Variants in ASMT observed in about 807,000 individuals in gnomAD.
ASMT encodes the protein acetylserotonin O-methyltransferase.
ASMT carries 53 observed loss-of-function variants against 41.3 expected under a neutral mutation model. That is an observed-to-expected ratio of 1.28 (90% CI 1.03 to 1.61). The LOEUF (loss-of-function observed/expected upper bound fraction) is 1.61. ASMT is among the 40% of genes most tolerant of loss of function. The pLI is 0.00. For synonymous variants in ASMT, 231 were observed against 184.8 expected (o/e 1.25, Z -2.03); for missense variants, 531 against 441.3 (o/e 1.20, Z -1.82).
At chrX:1,633,063 A>G (rs1934836782) in intron 6 of ASMT, 87 bp from the exon 7 acceptor site, 74 of 1,531,822 alleles carry the variant, frequency 4.8e-5, no homozygotes, top group Non-Finnish European at 6.4e-5. Context: ...CCTGGGTTGG[A>G]CCCTTCATGA....
Position 1,623,198 on chromosome X carries a change from C to G in ASMT, c.129C>G (p.Pro43=). Residue 43 remains proline, a synonymous_variant, in exon 2 of 9, where the codon CCC becomes CCG. Transcript: ENST00000381241. ...VFDLLAEAPG[P]LDVAAVAAGV... is the part of the protein sequence containing the mutation. Reference sequence around the variant, plus strand: ...ACCTTCTCGCCGAGGCCCCAGGGCCCCTGGACGTGGCGGCAGTGGCTGCAG... The same window carrying G: ...ACCTTCTCGCCGAGGCCCCAGGGCCGCTGGACGTGGCGGCAGTGGCTGCAG... 6.2e-7 allele frequency: 1 copy of G among 1,613,428 alleles called. No homozygotes were observed. Among genetic ancestry groups the G allele is most frequent in the Non-Finnish European group, 8.5e-7 (1 of 1,179,850 alleles).
intron 1 of ASMT, among the ~76,000 whole-genome samples, chrX:1,616,914 T>C (rs1254575470): frequency 7.2e-5 from 11 of 151,844 alleles, no homozygotes; most frequent in African/African-American, 1.7e-4. Context: ...TTCACCGTGT[T>C]AGCCAGGATG....
At chrX:1,616,695 C>T (rs373962529) in intron 1 of ASMT, among the ~76,000 whole-genome samples, 6 of 151,210 alleles carry the variant, frequency 4.0e-5, no homozygotes, top group Admixed American at 1.3e-4. Context: ...CATAGTGAGA[C>T]CCCCCATTTC....
intron 8 of ASMT, among the ~76,000 whole-genome samples, 168 bp from the exon 9 acceptor site, chrX:1,642,635 C>T (rs1440899433): frequency 6.6e-6 from 1 of 152,156 alleles, no homozygotes; most frequent in African/African-American, 2.4e-5. Flanking sequence ...CTGTGAGGTT[C>T]ACCCATCCTG....
At chrX:1,629,768 T>C in intron 4 of ASMT, 53 bp from the exon 5 acceptor site, 1 of 1,552,390 alleles carries the variant, frequency 6.4e-7, no homozygotes, top group Non-Finnish European at 8.9e-7. Flanking sequence ...ACCCTTGCTC[T>C]GGGCACGTCC....
intron 1 of ASMT, among the ~76,000 whole-genome samples, chrX:1,618,320 C>T (rs868084799): frequency 1.6e-4 from 24 of 152,046 alleles, no homozygotes; most frequent in Non-Finnish European, 2.5e-4. Context: ...TCCACCACCA[C>T]GCCCGGCTAA....
rs777915732 is a variant in ASMT at position 1,629,746 on chromosome X, G to T, written c.444-75G>T. 3 of 1,343,608 alleles carry T rather than the reference G, an allele frequency of 2.2e-6. No homozygotes were observed. The East Asian group carries it at 6.9e-5, about 31-fold the overall frequency. 83.2% of individuals were successfully genotyped at this position (1,343,608 alleles called of 1,614,324 possible). On this transcript the variant is annotated intron_variant, in intron 4 of 8. Transcript: ENST00000381241. ...TGGGGTATAGCTCCGTTCTCAACAG[G>T]GGGTTATGTACACCCTTGCTCTGGG...
intron 5 of ASMT, among the ~76,000 whole-genome samples, chrX:1,631,394 C>T (rs1244084021): frequency 6.6e-6 from 1 of 151,886 alleles, no homozygotes; most frequent in Non-Finnish European, 1.5e-5. Flanking sequence ...CCCGAGCTCA[C>T]CCCTTAAGCA....
At chrX:1,615,542 C>G (rs1347330250) in intron 1 of ASMT, among the ~76,000 whole-genome samples, 5 of 152,100 alleles carry the variant, frequency 3.3e-5, no homozygotes, top group Non-Finnish European at 7.3e-5. Flanking sequence ...GTGGCTCACA[C>G]CTGTGATCCC....
rs1218326844 is a variant in ASMT at position 1,636,373 on chromosome X, G to A, written c.788-65G>A. On this transcript the variant is annotated intron_variant, in intron 7 of 8. Coordinates refer to ENST00000381241, the MANE Select transcript of ASMT (RefSeq NM_001171038.2). ...CCATCCAGGTGACCTTTTGTGCCCA[G>A]AATAGGTTTAGTCAAATGGGATTGG... 3.7e-6 allele frequency: 6 copies of A among 1,613,656 alleles called. No homozygotes were observed. In the South Asian group the frequency reaches 6.6e-5, roughly 18 times the overall value.
chrX:1,634,367 G>T (rs113145582), intron 7 of ASMT, among the ~76,000 whole-genome samples: 1 of 152,108 alleles, frequency 6.6e-6, no homozygotes, highest in Non-Finnish European at 1.5e-5. Context: ...CCAGCCTGGA[G>T]AGCCTCCGCA....
At chrX:1,620,757 C>T (rs1934308758) in intron 1 of ASMT, among the ~76,000 whole-genome samples, 1 of 152,096 alleles carries the variant, frequency 6.6e-6, no homozygotes, top group East Asian at 1.9e-4. Flanking sequence ...GGCATGGTGG[C>T]GGGCACCTGT....
Position 1,623,197 on chromosome X carries a change from C to T in ASMT, c.128C>T (p.Pro43Leu), listed in dbSNP as rs780531322. 6.2e-7 allele frequency: 1 copy of T among 1,613,392 alleles called. No individual in the cohort carries two copies. Among genetic ancestry groups the T allele is most frequent in the South Asian group, 1.1e-5 (1 of 91,056 alleles). Reference protein sequence around the residue: ...VFDLLAEAPGPLDVAAVAAGV... With the variant: ...VFDLLAEAPGLLDVAAVAAGV... The stretch of plus-strand genomic sequence containing the variant: ...GACCTTCTCGCCGAGGCCCCAGGGC[C>T]CCTGGACGTGGCGGCAGTGGCTGCA... Residue 43 changes from proline (P) to leucine (L), a missense_variant, in exon 2 of 9, where the codon CCC becomes CTC. Pro to Leu is a moderately conservative substitution (Grantham distance 98). Transcript: ENST00000381241.
chrX:1,635,281 G>A (rs1212732187), intron 7 of ASMT, among the ~76,000 whole-genome samples: 1 of 151,890 alleles, frequency 6.6e-6, no homozygotes, highest in Non-Finnish European at 1.5e-5. Flanking sequence ...ACCGCGCCTG[G>A]CCTGAATTAA....
chrX:1,627,868 C>G, intron 4 of ASMT, 97 bp downstream of exon 4: 3 of 1,152,802 alleles, frequency 2.6e-6, no homozygotes, highest in Non-Finnish European at 3.9e-6. Context: ...ATGGCACAAC[C>G]CAGGAGGAAG....
At chrX:1,615,578 G>A (rs755011737) in intron 1 of ASMT, among the ~76,000 whole-genome samples, 5 of 152,072 alleles carry the variant, frequency 3.3e-5, no homozygotes, top group South Asian at 2.1e-4. Flanking sequence ...TGAGGCGGGC[G>A]GATCACCTGA....
At chrX:1,635,131 CG>C (rs1934913222) in intron 7 of ASMT, among the ~76,000 whole-genome samples, 1 of 142,086 alleles carries the variant, frequency 7.0e-6, no homozygotes, top group Non-Finnish European at 1.5e-5. Context: ...CCCACCACCA[CG>C]CCCAGCTAAT....
intron 1 of ASMT, among the ~76,000 whole-genome samples, chrX:1,617,158 G>A (rs1472150337): frequency 6.6e-5 from 10 of 151,878 alleles, no homozygotes; most frequent in Admixed American, 6.6e-4. Flanking sequence ...GGATGACAGA[G>A]CAATACTGAG....
chrX:1,620,169 T>TC (rs1341284433), intron 1 of ASMT, among the ~76,000 whole-genome samples: 3 of 129,096 alleles, frequency 2.3e-5, no homozygotes, highest in African/African-American at 9.1e-5. Context: ...AATATAGCTT[T>TC]TTTTTTTTTT....
Sources: allele counts gnomAD v4.1 joint callset (sites outside exome capture counted in the v4.1 genomes callset), GRCh38; gene constraint gnomAD v4.1.1; transcripts MANE v1.5; gene names NCBI Gene and HGNC (gene_info 2026-07-23, HGNC 2026-07-21).